Variants in AQR observed in about 807,000 individuals in gnomAD.
The protein encoded by AQR is RNA helicase aquarius.
In AQR, 61 loss-of-function variants were observed where a neutral mutation model predicts 180.5. The ratio of observed to expected loss-of-function variants is 0.34; its 90% confidence interval spans 0.28 to 0.42. The LOEUF is 0.42. Among genes scored for constraint, AQR ranks in the 10% least tolerant of loss-of-function variants. AQR has a pLI of 1.00. For synonymous variants in AQR, 551 were observed against 588.8 expected (o/e 0.94, Z 0.93); for missense variants, 1,281 against 1,798.3 (o/e 0.71, Z 5.20).
At position 34,884,658 on chromosome 15, in the gene AQR, G is replaced by T. The variant is rs761792584; in HGVS notation, c.2894C>A (p.Ser965Tyr). 1 of 1,612,524 alleles carries T rather than the reference G, an allele frequency of 6.2e-7. No individual in the cohort carries two copies. Among genetic ancestry groups the T allele is most frequent in the Non-Finnish European group, 8.5e-7 (1 of 1,179,552 alleles). ...GSTLPDVTEV[S>Y]TFFPFHEYFA... ...GTATTCATGGAAAGGGAAGAAAGTG[G>T]AGACTTCCGTAACATCTGGCAATGT... is the stretch of plus-strand genomic sequence containing the variant. Residue 965 changes from serine to tyrosine, a missense_variant, in exon 26 of 35, where the codon TCC becomes TAC. By Grantham distance (144) the Ser-to-Tyr change is moderately radical (BLOSUM62 -2). Around this residue, in one of 9 missense-constraint regions of AQR, gnomAD observed 125 missense variants for 185.0 expected, o/e 0.68. Coordinates refer to ENST00000156471, the MANE Select transcript of AQR (RefSeq NM_014691.3).
intron 34 of AQR, among the ~76,000 whole-genome samples, chr15:34,859,167 A>G (rs1396980192): frequency 6.6e-6 from 1 of 152,222 alleles, no homozygotes; most frequent in African/African-American, 2.4e-5. Flanking sequence ...TATCAGATAA[A>G]GGACTTGTAG....
At position 34,915,067 on chromosome 15, in the gene AQR, A is replaced by G. The variant is rs777985103; in HGVS notation, c.1455T>C (p.Ile485=). 1.9e-6 allele frequency: 3 copies of G among 1,612,156 alleles called. No individual in the cohort carries two copies. The highest frequency in any genetic ancestry group is 2.2e-5 in the South Asian group (2 of 90,440). ...LESTYEIRQD[I]EDSVSRMKPW... Reference sequence around the variant, plus strand: ...GCTTCATTCTGCTGACACTATCTTCAATGTCCTGACGAATTTCATAAGTTG... The same window carrying G: ...GCTTCATTCTGCTGACACTATCTTCGATGTCCTGACGAATTTCATAAGTTG... The change falls in exon 16 of 35, where the codon ATT becomes ATC. Residue 485 remains isoleucine, a synonymous_variant. Transcript: ENST00000156471.
Position 34,927,031 on chromosome 15 carries a change from T to G in AQR, c.1118+4A>C. 6.6e-7 allele frequency: 1 copy of G among 1,513,632 alleles called. No homozygotes were observed. The highest frequency in any genetic ancestry group is 2.1e-5 in the Admixed American group (1 of 48,566). The allele number at this position is 1,513,632 out of a possible 1,614,324, so 93.8% of individuals were successfully genotyped here. On this transcript the variant is annotated splice_donor_region_variant and intron_variant, in intron 13 of 34. Coordinates refer to ENST00000156471, the MANE Select transcript of AQR (RefSeq NM_014691.3). ...AGAATATATAGTTTTTCATGTTGTC[T>G]TACCTAAGAGGTCCAAAAAACTTGA... is the stretch of plus-strand genomic sequence containing the variant.
intron 13 of AQR, among the ~76,000 whole-genome samples, chr15:34,924,289 A>AGAT (rs1030362964): frequency 2.6e-5 from 4 of 152,260 alleles, no homozygotes; most frequent in African/African-American, 9.6e-5. Context: ...ATCCAGAAGG[A>AGAT]GATCTGCAAA....
At chr15:34,904,178 T>A (rs12899377) in intron 19 of AQR, among the ~76,000 whole-genome samples, 158 bp downstream of exon 19, 111,404 of 151,984 alleles carry the variant, frequency 0.73, 42,256 homozygotes, top group Middle Eastern at 0.85. Flanking sequence ...TATTTCATCA[T>A]TTTGTTAAAA....
At position 34,927,739 on chromosome 15, in the gene AQR, A is replaced by C. The variant is rs1595800072; in HGVS notation, c.1015-601T>G. Among the ~76,000 whole-genome samples, 5 of 152,358 alleles carry C rather than the reference A, an allele frequency of 3.3e-5. No individual in the cohort carries two copies. In the South Asian group the frequency reaches 1.0e-3, roughly 32 times the overall value. On this transcript the variant is annotated intron_variant, in intron 12 of 34. Transcript: ENST00000156471. The stretch of plus-strand genomic sequence containing the variant: ...AATATCCCTGTCTTCCTTGATGCCC[A>C]CATGGCACAGAAAAGATCCGGAAGT...
chr15:34,905,223 A>G (rs1044082503), intron 18 of AQR, among the ~76,000 whole-genome samples: 1 of 151,950 alleles, frequency 6.6e-6, no homozygotes, highest in Non-Finnish European at 1.5e-5. Context: ...TAAATAACTT[A>G]ATCATCAGCA....
chr15:34,902,316 A>T (rs765551985), intron 19 of AQR, among the ~76,000 whole-genome samples: 2 of 152,206 alleles, frequency 1.3e-5, no homozygotes, highest in Non-Finnish European at 2.9e-5. Flanking sequence ...CAAAAAATAA[A>T]GTATCCAGAT....
chr15:34,945,041 C>G (rs1185840977), intron 5 of AQR, among the ~76,000 whole-genome samples: 2 of 152,202 alleles, frequency 1.3e-5, no homozygotes, highest in East Asian at 1.9e-4. Context: ...ACTCTCAACT[C>G]CTTTTCACCA....
intron 13 of AQR, among the ~76,000 whole-genome samples, chr15:34,921,076 G>C (rs1566989760): frequency 6.6e-6 from 1 of 152,140 alleles, no homozygotes; most frequent in Non-Finnish European, 1.5e-5. Context: ...TCGAGTACCT[G>C]TTTTATTTTA....
chr15:34,946,485 G>A (rs1453322111), intron 5 of AQR, among the ~76,000 whole-genome samples: 3 of 143,452 alleles, frequency 2.1e-5, no homozygotes, highest in African/African-American at 5.2e-5. Flanking sequence ...GGAGGTGGGG[G>A]GGTCAGCCCC....
At position 34,860,939 on chromosome 15, in the gene AQR, A is replaced by G. The variant is rs561307036; in HGVS notation, c.4030-784T>C. 1.4e-3 allele frequency among the ~76,000 whole-genome samples: 218 copies of G among 152,366 alleles called. 1 individual carries two copies. Among genetic ancestry groups the G allele is most frequent in the South Asian group, 4.6e-3 (22 of 4,830 alleles). ...ACAACAATCTAAGAAACACTGCTCT[A>G]TAAGTGTAGGTAAGGTAGTAAAGCA... On this transcript the variant is annotated intron_variant, in intron 33 of 34. Transcript: ENST00000156471.
rs898327194 is a variant in AQR, at chr15:34,898,933, C to T, written c.2244-1228G>A. Among the ~76,000 whole-genome samples the T allele has an allele frequency of 1.1e-4, 16 of 150,826 alleles. No individual in the cohort carries two copies. In the South Asian group the frequency reaches 3.4e-3, roughly 32 times the overall value. On this transcript the variant is annotated intron_variant, in intron 20 of 34. Transcript: ENST00000156471. ...CTGTAATCCCAGCACTTTGGGAGGC[C>T]AAGGTGGGTGGATCACGAGGTCAGC...
intron 4 of AQR, among the ~76,000 whole-genome samples, chr15:34,949,808 A>C (rs1047881671): frequency 2.7e-5 from 4 of 147,934 alleles, no homozygotes; most frequent in Non-Finnish European, 4.5e-5. Context: ...AAAAAAAAAA[A>C]AAAAACCACT....
chr15:34,935,481 A>T (rs527301982), intron 9 of AQR, among the ~76,000 whole-genome samples: 3 of 152,312 alleles, frequency 2.0e-5, no homozygotes, highest in African/African-American at 7.2e-5. Context: ...AAGGCATCCT[A>T]CAAATGCTTA....
At chr15:34,888,388 T>TA (rs1213957918) in intron 24 of AQR, among the ~76,000 whole-genome samples, 2 of 151,370 alleles carry the variant, frequency 1.3e-5, no homozygotes, top group Non-Finnish European at 2.9e-5. Context: ...ACTTAAAAGA[T>TA]AAAGAATTAT....
intron 18 of AQR, among the ~76,000 whole-genome samples, chr15:34,904,869 T>C (rs1566986411): frequency 6.6e-6 from 1 of 152,008 alleles, no homozygotes; most frequent in Non-Finnish European, 1.5e-5. Flanking sequence ...ATAGTAAGTA[T>C]TCAATAAATA....
At position 34,900,801 on chromosome 15, in the gene AQR, G is replaced by A. The variant is rs774275469; in HGVS notation, c.2064C>T (p.His688=). 3.8e-5 allele frequency: 61 copies of A among 1,613,936 alleles called. No individual in the cohort carries two copies. Among genetic ancestry groups the A allele is most frequent in the South Asian group, 7.7e-5 (7 of 91,052 alleles). Residue 688 remains histidine, a synonymous_variant, in exon 20 of 35, where the codon CAC becomes CAT. Transcript: ENST00000156471. ...NTDCVVPDWL[H]DIILGYGDPS... is the part of the protein sequence containing the mutation. Reference sequence around the variant, plus strand: ...GGTCCCCATAACCTAAAATGATATCGTGCAGCCAGTCAGGTACCACACAAT... The same window carrying A: ...GGTCCCCATAACCTAAAATGATATCATGCAGCCAGTCAGGTACCACACAAT...
chr15:34,924,211 C>T (rs1037627944), intron 13 of AQR, among the ~76,000 whole-genome samples: 5 of 152,092 alleles, frequency 3.3e-5, no homozygotes, highest in African/African-American at 1.2e-4. Context: ...TCAAAATACA[C>T]TTCCCTCTGT....
Sources: gnomAD v4.1 joint callset for allele counts (sites outside exome capture counted in the v4.1 genomes callset) on GRCh38, gnomAD v4.1.1 for gene constraint, gnomAD v4.1.1 regional missense constraint, MANE v1.5 for transcripts, NCBI Gene and HGNC (gene_info 2026-07-23, HGNC 2026-07-21) for gene names.